Variants in SLC38A9 observed in about 807,000 individuals in gnomAD.
SLC38A9 encodes solute carrier family 38 member 9.
In SLC38A9, 48 loss-of-function variants were observed where a neutral mutation model predicts 62.3. The observed-to-expected ratio is 0.77, with a 90% confidence interval of 0.61 to 0.98. The LOEUF is 0.98. Ranked by LOEUF, SLC38A9 falls within the 50% of genes least tolerant of loss-of-function variation. The pLI is 0.00. For synonymous variants in SLC38A9, 204 were observed against 227.7 expected, an observed-to-expected ratio of 0.90 and a Z score of 0.94; for missense variants, 541 against 679.8, an observed-to-expected ratio of 0.80 and a Z score of 2.27.
At chr5:55,674,299 C>T (rs1751778794) in intron 3 of SLC38A9, among the ~76,000 whole-genome samples, 1 of 152,096 alleles carries the variant, frequency 6.6e-6, no homozygotes, top group African/African-American at 2.4e-5. Context: ...ATTATATATA[C>T]TAGTGCTGTG....
chr5:55,647,043 C>A (rs548966389), intron 11 of SLC38A9, among the ~76,000 whole-genome samples: 37 of 152,224 alleles, frequency 2.4e-4, no homozygotes, highest in African/African-American at 8.7e-4. Flanking sequence ...AGCCATTGTG[C>A]CTGGCCTACT....
Position 55,688,400 on chromosome 5 carries a change from A to T in SLC38A9, c.113+9446T>A, listed in dbSNP as rs36001743. Among the ~76,000 whole-genome samples, 959 of 130,786 alleles carry T rather than the reference A, an allele frequency of 7.3e-3. 2 individuals are homozygous for T. The highest frequency in any genetic ancestry group is 0.011 in the Non-Finnish European group (685 of 62,188). The allele number at this position is 130,786 out of a possible 152,430, so 85.8% of individuals were successfully genotyped here. On this transcript the variant is annotated intron_variant, in intron 3 of 15. Transcript: ENST00000396865. ...AATCTCTTTTTTTTTTTTTTTTTTT[A>T]AGACAGTCTCACTCTGTTGCCCAGG...
rs574728949 is a variant in SLC38A9 at position 55,645,015 on chromosome 5, A to G, written c.1167+774T>C. 3.9e-4 allele frequency among the ~76,000 whole-genome samples: 60 copies of G among 152,106 alleles called. 1 individual carries two copies. The South Asian group carries it at 7.1e-3, about 18-fold the overall frequency. On this transcript the variant is annotated intron_variant, in intron 12 of 15. Coordinates refer to ENST00000396865, the MANE Select transcript of SLC38A9 (RefSeq NM_173514.4). The stretch of plus-strand genomic sequence containing the variant: ...AGTTTACTGAGAACGGTGATTTCCA[A>G]TTTCATCCATGTCCCTACAAAGGAC...
intron 11 of SLC38A9, among the ~76,000 whole-genome samples, chr5:55,647,588 C>T (rs947529700): frequency 6.6e-6 from 1 of 152,186 alleles, no homozygotes; most frequent in African/African-American, 2.4e-5. Context: ...TTTCCTGTCT[C>T]TCAGAGTAAT....
intron 11 of SLC38A9, among the ~76,000 whole-genome samples, chr5:55,646,947 A>G (rs1473390047): frequency 6.6e-6 from 1 of 152,126 alleles, no homozygotes; most frequent in East Asian, 1.9e-4. Context: ...TTGTAGAAAC[A>G]GGGTCTCACC....
intron 10 of SLC38A9, 47 bp from the exon 11 acceptor site, chr5:55,649,361 A>G (rs1375179330): frequency 8.4e-7 from 1 of 1,192,826 alleles, no homozygotes. Context: ...TGTGTGTTTT[A>G]CAGATTATTT....
intron 12 of SLC38A9, among the ~76,000 whole-genome samples, chr5:55,644,457 G>A (rs565398463): frequency 2.3e-4 from 35 of 152,034 alleles, no homozygotes; most frequent in Admixed American, 7.2e-4. Context: ...ATGGAGTCTG[G>A]ATCTGTTGCC....
chr5:55,647,259 C>T lies in SLC38A9; in HGVS notation c.1061-1364G>A, dbSNP rs116376871. ...TAAATGTTCTGCAATAAACACAAAG[C>T]TGCTTTAAAGTGAGAATAAAATAAC... On this transcript the variant is annotated intron_variant, in intron 11 of 15. Coordinates refer to ENST00000396865, the MANE Select transcript of SLC38A9 (RefSeq NM_173514.4). Among the ~76,000 whole-genome samples the T allele has an allele frequency of 6.1e-3, 921 of 152,006 alleles. 4 individuals carry two copies. Among genetic ancestry groups the T allele is most frequent in the Non-Finnish European group, 0.011 (736 of 67,980 alleles).
In SLC38A9 at chr5:55,651,375, A is replaced by G. The variant is rs988684179; in HGVS notation, c.952+1154T>C. On this transcript the variant is annotated intron_variant, in intron 10 of 15. Coordinates refer to ENST00000396865, the MANE Select transcript of SLC38A9 (RefSeq NM_173514.4). Reference sequence around the variant, plus strand: ...AAGCAATTCTCTGCCTCAGCCTCCCAAGTAGCTGGGATTACAGGCACCAGC... The same window carrying G: ...AAGCAATTCTCTGCCTCAGCCTCCCGAGTAGCTGGGATTACAGGCACCAGC... 3.3e-5 allele frequency among the ~76,000 whole-genome samples: 5 copies of G among 150,022 alleles called. No homozygotes were observed. In the East Asian group the frequency reaches 6.0e-4, roughly 18 times the overall value.
At chr5:55,701,564 C>T (rs763692938) in intron 2 of SLC38A9, among the ~76,000 whole-genome samples, 6 of 152,090 alleles carry the variant, frequency 3.9e-5, no homozygotes, top group African/African-American at 1.4e-4. Context: ...AATGGAGCTC[C>T]CTGCTTCTAT....
chr5:55,681,795 T>G (rs1753051568), intron 3 of SLC38A9, among the ~76,000 whole-genome samples: 1 of 152,198 alleles, frequency 6.6e-6, no homozygotes, highest in Non-Finnish European at 1.5e-5. Flanking sequence ...GTCGGTACAC[T>G]ATGGCCTGAT....
chr5:55,652,400 A>G lies in SLC38A9; in HGVS notation c.952+129T>C, dbSNP rs1747678665. The G allele has an allele frequency of 6.3e-6, 3 of 473,936 alleles. 1 individual carries two copies. The Admixed American group carries it at 1.2e-4, about 20-fold the overall frequency. The allele number at this position is 473,936 out of a possible 1,614,324, so 29.4% of individuals were successfully genotyped here. ...AAAGAAAGAAAGAAAGAACAAAACA[A>G]AAACGAATGAACAAATTAAACACAG... On this transcript the variant is annotated intron_variant, in intron 10 of 15. Transcript: ENST00000396865.
chr5:55,677,982 G>A (rs1020486242), intron 3 of SLC38A9, among the ~76,000 whole-genome samples: 2 of 118,476 alleles, frequency 1.7e-5, no homozygotes. Context: ...GGGAGGGAGG[G>A]TAGTGGCTGG....
At chr5:55,709,687 T>G (rs1043978429) in intron 2 of SLC38A9, among the ~76,000 whole-genome samples, 93 of 152,306 alleles carry the variant, frequency 6.1e-4, no homozygotes, top group African/African-American at 2.1e-3. Context: ...TGTAAGTATT[T>G]AGAGTATTAT....
At chr5:55,626,750 G>T in intron 15 of SLC38A9, 91 bp from the exon 16 acceptor site, 1 of 1,141,356 alleles carries the variant, frequency 8.8e-7, no homozygotes, top group Non-Finnish European at 1.2e-6. Flanking sequence ...ATCCTCCTCA[G>T]TCTGATAGCT....
chr5:55,666,039 C>T (rs996671537), intron 7 of SLC38A9, among the ~76,000 whole-genome samples: 4 of 151,970 alleles, frequency 2.6e-5, no homozygotes, highest in Non-Finnish European at 5.9e-5. Flanking sequence ...AGACCTAGGG[C>T]AATGATTATG....
intron 2 of SLC38A9, among the ~76,000 whole-genome samples, chr5:55,702,292 T>C (rs1012439481): frequency 6.6e-6 from 1 of 151,678 alleles, no homozygotes; most frequent in African/African-American, 2.4e-5. Context: ...AGGTTCTCAC[T>C]GTGTCACCCA....
chr5:55,638,450 T>C (rs1744827987), intron 12 of SLC38A9, among the ~76,000 whole-genome samples: 1 of 152,164 alleles, frequency 6.6e-6, no homozygotes, highest in African/African-American at 2.4e-5. Flanking sequence ...AGCCTATACA[T>C]TAATAAGGTA....
At chr5:55,710,142 C>T (rs563065614) in intron 2 of SLC38A9, among the ~76,000 whole-genome samples, 1 of 145,848 alleles carries the variant, frequency 6.9e-6, no homozygotes, top group African/African-American at 2.5e-5. Flanking sequence ...TCTCAGAAGT[C>T]TAGGGGAAGG....
Sources: allele counts gnomAD v4.1 joint callset (sites outside exome capture counted in the v4.1 genomes callset), GRCh38; gene constraint gnomAD v4.1.1; transcripts MANE v1.5; gene names NCBI Gene and HGNC (gene_info 2026-07-23, HGNC 2026-07-21).